The following CELF1 variants were observed in gnomAD, a reference collection of about 807,000 sequenced individuals.
CELF1 encodes CUGBP Elav-like family member 1, also known as 50 kDa nuclear polyadenylated RNA-binding protein.
A neutral mutation model predicts 61.8 loss-of-function variants in CELF1; 10 were observed. That is an observed-to-expected ratio of 0.16 (90% CI 0.10 to 0.27). The LOEUF (loss-of-function observed/expected upper bound fraction) is 0.27, where lower values mean the gene tolerates loss of function less well. Ranked by LOEUF, CELF1 falls within the 10% of genes least tolerant of loss-of-function variation. The pLI is 1.00. For synonymous variants in CELF1, 236 were observed against 225.1 expected (o/e 1.05, Z -0.43); for missense variants, 380 against 639.1 (o/e 0.59, Z 4.37).
intron 1 of CELF1, among the ~76,000 whole-genome samples, chr11:47,551,245 G>C (rs989319191): frequency 6.6e-6 from 1 of 152,164 alleles, no homozygotes; most frequent in Non-Finnish European, 1.5e-5. Flanking sequence ...TGGTTGAATA[G>C]AAGTTGAGGC....
At chr11:47,546,819 C>CT (rs1244519417) in intron 1 of CELF1, among the ~76,000 whole-genome samples, 1 of 151,872 alleles carries the variant, frequency 6.6e-6, no homozygotes, top group Non-Finnish European at 1.5e-5. Context: ...AATTGCAGAA[C>CT]TTTGGGAGGC....
chr11:47,546,203 G>A (rs942799317), intron 1 of CELF1, among the ~76,000 whole-genome samples: 1 of 147,352 alleles, frequency 6.8e-6, no homozygotes, highest in African/African-American at 2.5e-5. Context: ...TAGGAGAAAG[G>A]CCTTTCATGC....
chr11:47,484,332 C>CCCAAA (rs2085322735), intron 7 of CELF1, 57 bp downstream of exon 7: 1 of 1,571,664 alleles, frequency 6.4e-7, no homozygotes, highest in Non-Finnish European at 8.6e-7. Context: ...AAAAAAAAAC[C>CCCAAA]CCAAACCAAA....
chr11:47,476,234 C>A (rs2080076923), intron 12 of CELF1, among the ~76,000 whole-genome samples: 1 of 152,096 alleles, frequency 6.6e-6, no homozygotes, highest in Non-Finnish European at 1.5e-5. Flanking sequence ...CTAGGGTGAT[C>A]CCCTGCTTTG....
At chr11:47,521,224 C>G (rs2095870203) in intron 1 of CELF1, among the ~76,000 whole-genome samples, 1 of 152,094 alleles carries the variant, frequency 6.6e-6, no homozygotes, top group South Asian at 2.1e-4. Context: ...TGCACTCCAG[C>G]CTGGGCGACT....
chr11:47,520,991 C>T (rs1248816340), intron 1 of CELF1, among the ~76,000 whole-genome samples: 3 of 152,236 alleles, frequency 2.0e-5, no homozygotes, highest in African/African-American at 7.2e-5. Context: ...GTGGCTCACG[C>T]CTGTAATCCC....
upstream of CELF1, among the ~76,000 whole-genome samples, chr11:47,553,818 A>ATAT (rs1555193748): frequency 4.5e-4 from 67 of 148,558 alleles, 1 homozygote; most frequent in South Asian, 0.01. Flanking sequence ...ATATATATAT[A>ATAT]TTTTTTTTTC....
chr11:47,486,668 A>C, intron 6 of CELF1, 82 bp downstream of exon 6: 1 of 1,155,770 alleles, frequency 8.7e-7, no homozygotes. Context: ...TTGGCCTCCC[A>C]AAGTGCTGGG....
intron 1 of CELF1, among the ~76,000 whole-genome samples, chr11:47,543,221 T>C (rs539067422): frequency 1.3e-5 from 2 of 152,000 alleles, no homozygotes; most frequent in East Asian, 1.9e-4. Context: ...CTGGGAAACA[T>C]AGTGGGACCC....
chr11:47,536,369 A>G (rs959617440), intron 1 of CELF1, among the ~76,000 whole-genome samples: 7 of 152,172 alleles, frequency 4.6e-5, no homozygotes, highest in East Asian at 1.9e-4. Context: ...GTCATAAATA[A>G]ATAGATAGAT....
intron 12 of CELF1, among the ~76,000 whole-genome samples, chr11:47,475,742 G>C (rs573684553): frequency 6.6e-6 from 1 of 152,236 alleles, no homozygotes; most frequent in Admixed American, 6.5e-5. Flanking sequence ...CGGGTGTTGT[G>C]CTCCCCATTA....
chr11:47,529,935 G>T (rs1027345578), intron 1 of CELF1, among the ~76,000 whole-genome samples: 1 of 152,176 alleles, frequency 6.6e-6, no homozygotes, highest in Non-Finnish European at 1.5e-5. Flanking sequence ...GTCAGCAGAA[G>T]TACTATATGA....
chr11:47,481,134 CAG>C (rs1311733777), intron 9 of CELF1, among the ~76,000 whole-genome samples: 4 of 60,760 alleles, frequency 6.6e-5, no homozygotes, highest in Admixed American at 5.4e-4. Flanking sequence ...TTTTGTGAGA[CAG>C]AGTCTCGCTC....
chr11:47,504,407 T>C (rs977329025), intron 1 of CELF1, among the ~76,000 whole-genome samples: 4 of 150,804 alleles, frequency 2.7e-5, no homozygotes, highest in Admixed American at 6.6e-5. Flanking sequence ...CATGGCGCCA[T>C]CTCTACAAAA....
chr11:47,555,534 G>T (rs1391964240), upstream of CELF1, among the ~76,000 whole-genome samples: 2 of 152,114 alleles, frequency 1.3e-5, no homozygotes, highest in East Asian at 3.9e-4. Flanking sequence ...AGGTTGGGGG[G>T]AAGAACAATT....
In CELF1 at chr11:47,493,539, C is replaced by T. The variant is rs1437097504; in HGVS notation, c.72-4515G>A. Reference sequence around the variant, plus strand: ...AAAAAAAAAAAAAAAAAAAAAAGGGCGTGCACACACACAAGGTGTGGCCTA... The same window carrying T: ...AAAAAAAAAAAAAAAAAAAAAAGGGTGTGCACACACACAAGGTGTGGCCTA... On this transcript the variant is annotated intron_variant, in intron 3 of 14. Transcript: ENST00000687097. Among the ~76,000 whole-genome samples, 3 of 145,024 alleles carry T rather than the reference C, an allele frequency of 2.1e-5. No individual in the cohort carries two copies. The South Asian group carries it at 6.5e-4, about 31-fold the overall frequency.
At chr11:47,500,564 T>C (rs1809425299) in intron 2 of CELF1, among the ~76,000 whole-genome samples, 1 of 152,172 alleles carries the variant, frequency 6.6e-6, no homozygotes, top group Admixed American at 6.5e-5. Flanking sequence ...CACTCAAACA[T>C]GTAAGGGAAA....
chr11:47,509,665 TGGATCACTTAA>T (rs1279151560), intron 1 of CELF1, among the ~76,000 whole-genome samples: 1 of 151,776 alleles, frequency 6.6e-6, no homozygotes, highest in Non-Finnish European at 1.5e-5. Context: ...CCGAGGCAGG[TGGATCACTTAA>T]GGCCAGGAGT....
chr11:47,547,273 T>C (rs2096987424), intron 1 of CELF1, among the ~76,000 whole-genome samples: 1 of 152,084 alleles, frequency 6.6e-6, no homozygotes, highest in South Asian at 2.1e-4. Context: ...GCAATCCATA[T>C]GAAGAGCATG....
Sources: allele counts gnomAD v4.1 joint callset (sites outside exome capture counted in the v4.1 genomes callset), GRCh38; gene constraint gnomAD v4.1.1; transcripts MANE v1.5; gene names NCBI Gene and HGNC (gene_info 2026-07-23, HGNC 2026-07-21).